The following RSPH14 variants were observed in gnomAD, a reference collection of about 807,000 sequenced individuals.
RSPH14 encodes radial spoke head 14 homolog, also known as rhabdoid tumor deletion region gene 1.
Under a neutral mutation model 26.7 loss-of-function variants are expected in RSPH14, and 20 were observed. That is an observed-to-expected ratio of 0.75 (90% CI 0.53 to 1.09). RSPH14 has a LOEUF of 1.09. Among genes scored for constraint, RSPH14 ranks in the 50% least tolerant of loss-of-function variants. The pLI, the probability that RSPH14 is intolerant of heterozygous loss-of-function variation, is 0.00. For missense variants in RSPH14, 449 were observed against 457.2 expected, an observed-to-expected ratio of 0.98 and a Z score of 0.16; for synonymous variants, 177 against 189.3, an observed-to-expected ratio of 0.93 and a Z score of 0.53.
chr22:23,157,690 C>T, the RSPH14 span, among the ~76,000 whole-genome samples: 2 of 152,214 alleles, frequency 1.3e-5, no homozygotes, highest in South Asian at 4.1e-4. Context: ...ACCTGAGCTC[C>T]CTTAGCCGTA....
At chr22:23,133,038 G>C (rs1485493056) in intron 4 of RSPH14, 1 of 152,092 alleles carries the variant, frequency 6.6e-6, no homozygotes, top group African/African-American at 2.4e-5. Flanking sequence ...GAAAACCATT[G>C]GGTAGTACCT....
the RSPH14 span, among the ~76,000 whole-genome samples, chr22:23,168,215 G>C: frequency 6.6e-6 from 1 of 152,138 alleles, no homozygotes; most frequent in East Asian, 1.9e-4. Flanking sequence ...CTTGGCATGG[G>C]GCATAAGCCC....
At chr22:23,169,411 CA>C in the RSPH14 span, among the ~76,000 whole-genome samples, 1 of 152,204 alleles carries the variant, frequency 6.6e-6, no homozygotes, top group Non-Finnish European at 1.5e-5. Flanking sequence ...TCCAGCCTCC[CA>C]AGTGGGTGGG....
chr22:23,078,435 C>T (rs1211504937), intron 4 of RSPH14, among the ~76,000 whole-genome samples: 3 of 152,174 alleles, frequency 2.0e-5, no homozygotes, highest in Admixed American at 2.0e-4. Context: ...TGCCCTTGTC[C>T]CCCCAACACT....
At chr22:23,128,428 G>A (rs1350155521) in intron 4 of RSPH14, among the ~76,000 whole-genome samples, 6 of 152,224 alleles carry the variant, frequency 3.9e-5, no homozygotes, top group Admixed American at 6.5e-5. Flanking sequence ...GGCAGCCTGT[G>A]TGTGACATCT....
chr22:23,113,836 G>C (rs967077269), intron 4 of RSPH14, among the ~76,000 whole-genome samples: 1 of 152,272 alleles, frequency 6.6e-6, no homozygotes, highest in African/African-American at 2.4e-5. Context: ...CTGTCACACA[G>C]AGCTCTGGGA....
intron 6 of RSPH14, among the ~76,000 whole-genome samples, chr22:23,060,387 G>A (rs922794656): frequency 6.6e-6 from 1 of 151,906 alleles, no homozygotes; most frequent in African/African-American, 2.4e-5. Context: ...AGGAGAATGC[G>A]TGAACCTGGG....
At chr22:23,111,092 C>T (rs1214907428) in intron 4 of RSPH14, among the ~76,000 whole-genome samples, 2 of 152,206 alleles carry the variant, frequency 1.3e-5, no homozygotes, top group Non-Finnish European at 2.9e-5. Flanking sequence ...GCGCGCCTTC[C>T]CTGTGAGCGT....
chr22:23,146,194 G>A (rs1262069160), upstream of RSPH14, among the ~76,000 whole-genome samples: 1 of 152,156 alleles, frequency 6.6e-6, no homozygotes, highest in Non-Finnish European at 1.5e-5. Context: ...TGACAGAGAG[G>A]GAAGCCTGGA....
At chr22:23,147,047 T>TCATG (rs532846026), upstream of RSPH14, among the ~76,000 whole-genome samples, 239 of 152,318 alleles carry the variant, frequency 1.6e-3, 1 homozygote, top group South Asian at 9.3e-3. Flanking sequence ...GGTGCCTGGC[T>TCATG]CATGGTATGC....
chr22:23,158,971 G>A, the RSPH14 span: 1 of 1,614,048 alleles, frequency 6.2e-7, no homozygotes, highest in African/African-American at 1.3e-5. Flanking sequence ...AACCAAGAAG[G>A]ACCTTCTGGT....
chr22:23,067,964 T>C (rs1436627595), intron 4 of RSPH14, among the ~76,000 whole-genome samples: 1 of 152,276 alleles, frequency 6.6e-6, no homozygotes, highest in Non-Finnish European at 1.5e-5. Context: ...TCACATTGTC[T>C]GTGGGACCAC....
intron 4 of RSPH14, among the ~76,000 whole-genome samples, chr22:23,130,533 A>AAAGAAAGAAAGAAAGAAAGG (rs1569193256): frequency 2.3e-5 from 2 of 85,378 alleles, no homozygotes; most frequent in African/African-American, 4.4e-5. Flanking sequence ...AGAAAGAAAG[A>AAAGAAAGAAAGAAAGAAAGG]GAAAGAAGGA....
At chr22:23,092,267 C>T (rs9608072) in intron 4 of RSPH14, among the ~76,000 whole-genome samples, 1 of 152,190 alleles carries the variant, frequency 6.6e-6, no homozygotes, top group Non-Finnish European at 1.5e-5. Flanking sequence ...GAAGTCAAGC[C>T]TCAGAATAGG....
At chr22:23,129,824 T>G (rs4822356) in intron 4 of RSPH14, among the ~76,000 whole-genome samples, 86,318 of 150,280 alleles carry the variant, frequency 0.57, 24,938 homozygotes, top group African/African-American at 0.65. Context: ...GGAGGCTGAG[T>G]CAGGAGAATC....
chr22:23,098,608 G>T (rs566196743), intron 4 of RSPH14, among the ~76,000 whole-genome samples: 1 of 152,256 alleles, frequency 6.6e-6, no homozygotes, highest in African/African-American at 2.4e-5. Context: ...CCTGGTTTCT[G>T]CAGGCCTGGG....
intron 4 of RSPH14, chr22:23,131,668 C>G (rs962650044): frequency 1.5e-6 from 2 of 1,302,218 alleles, no homozygotes; most frequent in African/African-American, 1.5e-5. Flanking sequence ...CTCGCTTATT[C>G]CTCAGGTTCC....
the RSPH14 span, chr22:23,150,092 C>T: frequency 1.2e-6 from 2 of 1,612,288 alleles, no homozygotes; most frequent in Admixed American, 1.7e-5. Context: ...GTTTGCAGCT[C>T]AGGGAGCACT....
chr22:23,142,324 A>AT (rs1032559874), upstream of RSPH14, among the ~76,000 whole-genome samples: 232 of 148,000 alleles, frequency 1.6e-3, 1 homozygote, highest in Middle Eastern at 3.5e-3. Context: ...GTTTCTCCCA[A>AT]TTTTTTTTTT....
Sources: gnomAD v4.1 joint callset for allele counts (sites outside exome capture counted in the v4.1 genomes callset) on GRCh38, gnomAD v4.1.1 for gene constraint, MANE v1.5 for transcripts, NCBI Gene and HGNC (gene_info 2026-07-23, HGNC 2026-07-21) for gene names.